The following ARSG variants were observed in gnomAD, a reference collection of about 807,000 sequenced individuals.
The protein encoded by ARSG is arylsulfatase G.
Under a neutral mutation model 50.5 loss-of-function variants are expected in ARSG, and 37 were observed. The observed-to-expected ratio is 0.73, with a 90% CI of 0.56 to 0.96. The LOEUF (loss-of-function observed/expected upper bound fraction) is 0.96, where lower values mean the gene tolerates loss of function less well. Ranked by LOEUF, ARSG falls within the 50% of genes least tolerant of loss-of-function variation. The pLI, the probability that ARSG is intolerant of heterozygous loss-of-function variation, is 0.00. For synonymous variants in ARSG, 225 were observed against 254.6 expected, an observed-to-expected ratio of 0.88 and a Z score of 1.11; for missense variants, 629 against 675.3, an observed-to-expected ratio of 0.93 and a Z score of 0.76.
intron 1 of ARSG, among the ~76,000 whole-genome samples, chr17:68,292,279 C>T (rs1460488098): frequency 2.0e-5 from 3 of 152,164 alleles, no homozygotes; most frequent in African/African-American, 7.2e-5. Flanking sequence ...TGCATGGCTC[C>T]CATACCCGCG....
rs576940327 is a variant in ARSG at position 68,341,661 on chromosome 17, G to T, written c.219-1943G>T. ...TTTGGGGTCTTAATTACATGCCATT[G>T]TGCATTGTTGTGACTTACATTTGCT... On this transcript the variant is annotated intron_variant, in intron 2 of 11. Coordinates refer to ENST00000621439, the MANE Select transcript of ARSG (RefSeq NM_001267727.2). Among the ~76,000 whole-genome samples the T allele has an allele frequency of 6.6e-5, 10 of 152,194 alleles. 1 individual carries two copies. The South Asian group carries it at 2.1e-3, about 32-fold the overall frequency.
chr17:68,430,988 CTTCATG>C, the ARSG span, among the ~76,000 whole-genome samples: 2 of 152,122 alleles, frequency 1.3e-5, no homozygotes, highest in Non-Finnish European at 2.9e-5. Context: ...CTCTCTGGGC[CTTCATG>C]TTCTCATCTG....
chr17:68,304,032 G>A (rs1313670221), intron 1 of ARSG, among the ~76,000 whole-genome samples: 1 of 152,138 alleles, frequency 6.6e-6, no homozygotes, highest in African/African-American at 2.4e-5. Context: ...AACACAATCT[G>A]TTTATTTATA....
At chr17:68,302,334 T>C (rs2076452196) in intron 1 of ARSG, among the ~76,000 whole-genome samples, 1 of 152,154 alleles carries the variant, frequency 6.6e-6, no homozygotes, top group Non-Finnish European at 1.5e-5. Context: ...GCTCATCAGA[T>C]GCTTTTGTCT....
chr17:68,408,404 T>C (rs1056886228), intron 11 of ARSG, among the ~76,000 whole-genome samples: 149 of 151,834 alleles, frequency 9.8e-4, no homozygotes, highest in Non-Finnish European at 1.8e-3. Context: ...AATAGTTTAC[T>C]GAGAATGATG....
intron 2 of ARSG, among the ~76,000 whole-genome samples, chr17:68,308,644 G>A (rs1226324963): frequency 9.2e-5 from 14 of 151,986 alleles, no homozygotes; most frequent in Non-Finnish European, 1.3e-4. Context: ...CTGCTGGCTC[G>A]GGCAGCCTGC....
the ARSG span, among the ~76,000 whole-genome samples, chr17:68,451,195 CTGAGGCAGGAGAATCACT>C: frequency 6.6e-6 from 1 of 152,232 alleles, no homozygotes; most frequent in East Asian, 1.9e-4. Context: ...CTTTGGGAGG[CTGAGGCAGGAGAATCACT>C]TGAGGCCAGG....
rs1314979086 is a variant in ARSG at position 68,371,278 on chromosome 17, C to T, written c.982+754C>T. Among the ~76,000 whole-genome samples, 7 of 139,002 alleles carry T rather than the reference C, an allele frequency of 5.0e-5. No homozygotes were observed. The South Asian group carries it at 6.8e-4, about 13-fold the overall frequency. 91.2% of individuals were successfully genotyped at this position (139,002 alleles called of 152,430 possible). A position where few individuals can be genotyped will look rare whatever the true frequency, so the allele number is the denominator to read the frequency against. On this transcript the variant is annotated intron_variant, in intron 8 of 11. Transcript: ENST00000621439. ...GAGCTTGCAGAGACAGAGCTGAGAT[C>T]TGCACTCCAGCCTGGGCGAGAGTGT...
chr17:68,278,782 G>A (rs913413684), intron 1 of ARSG, among the ~76,000 whole-genome samples: 29 of 151,844 alleles, frequency 1.9e-4, no homozygotes, highest in Admixed American at 3.3e-4. Flanking sequence ...ATCACACCCG[G>A]CTAATTTTTG....
At chr17:68,443,079 G>T in the ARSG span, among the ~76,000 whole-genome samples, 6 of 152,044 alleles carry the variant, frequency 3.9e-5, no homozygotes, top group Non-Finnish European at 7.4e-5. Context: ...AGCCTCAATG[G>T]CTTTGTTCTT....
At chr17:68,408,085 C>G (rs1002684570) in intron 11 of ARSG, among the ~76,000 whole-genome samples, 1 of 151,500 alleles carries the variant, frequency 6.6e-6, no homozygotes, top group Non-Finnish European at 1.5e-5. Flanking sequence ...CAAATGTGCA[C>G]TAGCCTTTGG....
intron 1 of ARSG, among the ~76,000 whole-genome samples, chr17:68,275,502 T>C (rs1386078482): frequency 2.6e-5 from 4 of 152,162 alleles, no homozygotes; most frequent in Admixed American, 2.0e-4. Flanking sequence ...TTGGAAGAAT[T>C]ATCTTCTGGT....
At chr17:68,366,441 T>C (rs2079550971) in intron 6 of ARSG, among the ~76,000 whole-genome samples, 1 of 152,008 alleles carries the variant, frequency 6.6e-6, no homozygotes, top group Non-Finnish European at 1.5e-5. Flanking sequence ...AACCAGCCAG[T>C]AGATTGTAAG....
At chr17:68,430,114 A>G in the ARSG span, 132 of 1,613,898 alleles carry the variant, frequency 8.2e-5, no homozygotes, top group Middle Eastern at 1.6e-4. Flanking sequence ...GCAGCCATAA[A>G]CATCTTTCCC....
At chr17:68,351,925 C>T (rs2078781559) in intron 5 of ARSG, among the ~76,000 whole-genome samples, 1 of 152,146 alleles carries the variant, frequency 6.6e-6, no homozygotes, top group South Asian at 2.1e-4. Context: ...GACTATTGAG[C>T]TCAGCTAGGG....
In ARSG at chr17:68,413,436, G is replaced by GGTCAGGA. The variant is rs1285965295; in HGVS notation, c.1304-6747_1304-6746insAGTCAGG. 2.6e-5 allele frequency among the ~76,000 whole-genome samples: 4 copies of GGTCAGGA among 152,268 alleles called. 1 individual carries two copies. Among genetic ancestry groups the GGTCAGGA allele is most frequent in the African/African-American group, 7.2e-5 (3 of 41,562 alleles). ...GTGCCTCCCAGTTAGGCTGCTCGGG[G>GGTCAGGA]GTCAGGGACCCACTTGAGGAGGCAG... is the stretch of plus-strand genomic sequence containing the variant. On this transcript the variant is annotated intron_variant, in intron 11 of 11. Coordinates refer to ENST00000621439, the MANE Select transcript of ARSG (RefSeq NM_001267727.2).
chr17:68,376,173 G>A (rs1005366698), intron 8 of ARSG, among the ~76,000 whole-genome samples: 3 of 149,410 alleles, frequency 2.0e-5, no homozygotes, highest in South Asian at 2.1e-4. Context: ...GCAATGGCGC[G>A]ATCATAGCTC....
At chr17:68,426,139 A>T (rs1305249935), downstream of ARSG, 1 of 1,611,160 alleles carries the variant, frequency 6.2e-7, no homozygotes, top group Non-Finnish European at 8.5e-7. Flanking sequence ...TTCAGGAATA[A>T]CTTCTCCTCG....
At chr17:68,281,600 G>A (rs1314682731) in intron 1 of ARSG, among the ~76,000 whole-genome samples, 1 of 151,876 alleles carries the variant, frequency 6.6e-6, no homozygotes, top group Non-Finnish European at 1.5e-5. Context: ...AAATAAAATG[G>A]GTGAATAATC....
Sources: allele counts gnomAD v4.1 joint callset (sites outside exome capture counted in the v4.1 genomes callset), GRCh38; gene constraint gnomAD v4.1.1; transcripts MANE v1.5; gene names NCBI Gene and HGNC (gene_info 2026-07-23, HGNC 2026-07-21).